COL25A1: variants seen among roughly 807,000 people sequenced by gnomAD.
The protein encoded by COL25A1 is collagen type XXV alpha 1 chain.
In COL25A1, 103 loss-of-function variants were observed where a neutral mutation model predicts 128.4. The observed-to-expected ratio is 0.80, with a 90% CI of 0.68 to 0.94. COL25A1 has a LOEUF of 0.94. Ranked by LOEUF, COL25A1 falls within the 40% of genes least tolerant of loss-of-function variation. The pLI, the probability that COL25A1 is intolerant of heterozygous loss-of-function variation, is 0.00. For synonymous variants in COL25A1, 279 were observed against 277.2 expected, an observed-to-expected ratio of 1.01 and a Z score of -0.06; for missense variants, 745 against 840.0, an observed-to-expected ratio of 0.89 and a Z score of 1.40.
intron 16 of COL25A1, among the ~76,000 whole-genome samples, chr4:108,891,784 C>A (rs1028208965): frequency 1.3e-5 from 2 of 151,472 alleles, no homozygotes; most frequent in African/African-American, 4.9e-5. Context: ...TTGTAGTAAA[C>A]TTGTAAATAC....
chr4:108,921,100 T>C (rs1745445240), intron 11 of COL25A1: 1 of 154,338 alleles, frequency 6.5e-6, no homozygotes, highest in Admixed American at 6.5e-5. Context: ...TTAGGAAATA[T>C]GGTCAACTAA....
intron 13 of COL25A1, among the ~76,000 whole-genome samples, chr4:108,916,521 G>C (rs1744892828): frequency 6.6e-6 from 1 of 152,040 alleles, no homozygotes; most frequent in African/African-American, 2.4e-5. Context: ...TGTCAAAGCT[G>C]AAAAATGAAA....
chr4:108,891,883 T>A (rs1260908494), intron 16 of COL25A1, among the ~76,000 whole-genome samples: 2 of 152,182 alleles, frequency 1.3e-5, no homozygotes, highest in African/African-American at 4.8e-5. Flanking sequence ...AGACTAGATT[T>A]AGTTCTCATA....
intron 13 of COL25A1, among the ~76,000 whole-genome samples, chr4:108,906,383 T>C (rs1743530172): frequency 6.6e-6 from 1 of 152,094 alleles, no homozygotes; most frequent in Admixed American, 6.6e-5. Flanking sequence ...TTGGATCAAA[T>C]ATCTCCTTAC....
In COL25A1 at chr4:108,943,969, T is replaced by C. The variant is rs377313845; in HGVS notation, c.493-2532A>G. Reference sequence around the variant, plus strand: ...AAGCCCAGGAAATTTCTACATTTTCTACATTTTTAATTTTATTAGTTTCAT... The same window carrying C: ...AAGCCCAGGAAATTTCTACATTTTCCACATTTTTAATTTTATTAGTTTCAT... On this transcript the variant is annotated intron_variant, in intron 8 of 37. Coordinates refer to ENST00000399132, the MANE Select transcript of COL25A1 (RefSeq NM_198721.4). Among the ~76,000 whole-genome samples, 53 of 152,330 alleles carry C rather than the reference T, an allele frequency of 3.5e-4. 2 individuals carry two copies. In the East Asian group the frequency reaches 6.6e-3, roughly 19 times the overall value.
At chr4:108,842,600 C>A (rs1371753242) in intron 30 of COL25A1, among the ~76,000 whole-genome samples, 1 of 152,072 alleles carries the variant, frequency 6.6e-6, no homozygotes, top group Non-Finnish European at 1.5e-5. Context: ...TTACATATGT[C>A]CACATTAGAA....
intron 25 of COL25A1, among the ~76,000 whole-genome samples, chr4:108,852,558 A>G (rs1015531360): frequency 2.6e-5 from 4 of 152,164 alleles, no homozygotes; most frequent in African/African-American, 4.8e-5. Flanking sequence ...CTCCACACTC[A>G]TCGTATTGGG....
intron 6 of COL25A1, among the ~76,000 whole-genome samples, chr4:108,979,525 T>C (rs1318015024): frequency 6.6e-6 from 1 of 152,118 alleles, no homozygotes; most frequent in Non-Finnish European, 1.5e-5. Context: ...TTTTAAAAGA[T>C]GACAATCATG....
At chr4:109,208,331 C>T (rs1220545311) in intron 3 of COL25A1, among the ~76,000 whole-genome samples, 2 of 152,138 alleles carry the variant, frequency 1.3e-5, no homozygotes, top group Non-Finnish European at 1.5e-5. Flanking sequence ...TCCACTTTCA[C>T]TCATCCATTC....
intron 5 of COL25A1, among the ~76,000 whole-genome samples, chr4:109,034,417 T>C (rs1579155607): frequency 6.6e-6 from 1 of 152,220 alleles, no homozygotes; most frequent in Non-Finnish European, 1.5e-5. Flanking sequence ...AGAAAAGATA[T>C]GCCCTTAGAA....
chr4:109,122,858 A>G (rs943538336), intron 3 of COL25A1, among the ~76,000 whole-genome samples: 1 of 152,110 alleles, frequency 6.6e-6, no homozygotes, highest in Non-Finnish European at 1.5e-5. Context: ...TGAGTTATTC[A>G]CACACTTTGA....
At chr4:109,192,220 G>A (rs1775677457) in intron 3 of COL25A1, among the ~76,000 whole-genome samples, 2 of 152,194 alleles carry the variant, frequency 1.3e-5, no homozygotes, top group Admixed American at 1.3e-4. Context: ...TATATGTTAA[G>A]CTAAGAGTGA....
At chr4:109,056,638 T>TAAA (rs66921470) in intron 3 of COL25A1, among the ~76,000 whole-genome samples, 39 of 148,684 alleles carry the variant, frequency 2.6e-4, no homozygotes, top group African/African-American at 5.6e-4. Context: ...ACAAAAAGAT[T>TAAA]AAAAAAAAAA....
chr4:109,044,440 C>T (rs1760226728), intron 5 of COL25A1, among the ~76,000 whole-genome samples: 1 of 150,730 alleles, frequency 6.6e-6, no homozygotes, highest in Non-Finnish European at 1.5e-5. Context: ...TGCCATTATC[C>T]CCTGGGCCAT....
At chr4:109,137,292 A>T (rs1232697410) in intron 3 of COL25A1, among the ~76,000 whole-genome samples, 1 of 152,248 alleles carries the variant, frequency 6.6e-6, no homozygotes. Flanking sequence ...CTTGAAATAA[A>T]AATCTGGAAC....
At position 109,279,484 on chromosome 4, in the gene COL25A1, G is replaced by A. The variant is rs532949864; in HGVS notation, c.367+21099C>T. On this transcript the variant is annotated intron_variant, in intron 3 of 37. Transcript: ENST00000399132. ...TCCCAGCTGCTCAAGAGGCTGAGCTGAGAATCGCTTGGGTCCAGGATTTTG... is the reference window on the plus strand; with the variant it reads ...TCCCAGCTGCTCAAGAGGCTGAGCTAAGAATCGCTTGGGTCCAGGATTTTG... 1.8e-4 allele frequency among the ~76,000 whole-genome samples: 27 copies of A among 152,246 alleles called. No homozygotes were observed. The South Asian group carries it at 5.6e-3, about 32-fold the overall frequency.
chr4:109,169,613 C>T (rs1338828469), intron 3 of COL25A1, among the ~76,000 whole-genome samples: 1 of 152,128 alleles, frequency 6.6e-6, no homozygotes, highest in African/African-American at 2.4e-5. Flanking sequence ...GTTGATCAGC[C>T]TCTACTGCAG....
chr4:108,815,249 T>C (rs1294216602), intron 37 of COL25A1, among the ~76,000 whole-genome samples: 1 of 152,184 alleles, frequency 6.6e-6, no homozygotes, highest in Admixed American at 6.5e-5. Context: ...AATTTGAATT[T>C]TAAGTCAAGC....
At chr4:108,839,536 TGTGCACTTTCAGCACGTG>T (rs1304412220) in intron 31 of COL25A1, among the ~76,000 whole-genome samples, 2 of 152,198 alleles carry the variant, frequency 1.3e-5, no homozygotes, top group African/African-American at 4.8e-5. Context: ...TTTGCATGTG[TGTGCACTTTCAGCACGTG>T]GTCTTGAGGT....
Sources: allele counts gnomAD v4.1 joint callset (sites outside exome capture counted in the v4.1 genomes callset), GRCh38; gene constraint gnomAD v4.1.1; transcripts MANE v1.5; gene names NCBI Gene and HGNC (gene_info 2026-07-23, HGNC 2026-07-21).